The following PHKB variants were observed in gnomAD, a reference collection of about 807,000 sequenced individuals.
The protein encoded by PHKB is phosphorylase kinase regulatory subunit beta, also known as phosphorylase b kinase regulatory subunit beta.
In PHKB, 122 loss-of-function variants were observed where a neutral mutation model predicts 152.1. That is an observed-to-expected ratio of 0.80 (90% confidence interval 0.69 to 0.93). The LOEUF is 0.93. Among genes scored for constraint, PHKB ranks in the 40% least tolerant of loss-of-function variants. The probability of loss-of-function intolerance (pLI) is 0.00; values close to 1 mark genes in which losing one functional copy is unlikely to be tolerated. For synonymous variants in PHKB, 436 were observed against 464.9 expected (o/e 0.94, Z 0.80); for missense variants, 1,304 against 1,328.4 (o/e 0.98, Z 0.29).
At chr16:47,510,665 G>T (rs901435277) in intron 4 of PHKB, among the ~76,000 whole-genome samples, 1 of 152,136 alleles carries the variant, frequency 6.6e-6, no homozygotes, top group Middle Eastern at 3.4e-3. Context: ...AAGGAATTTT[G>T]GTGAGGGTTC....
rs991202041 is a variant in PHKB at position 47,630,229 on chromosome 16, C to T, written c.1459-10806C>T. 7.2e-5 allele frequency among the ~76,000 whole-genome samples: 11 copies of T among 152,050 alleles called. No homozygotes were observed. In the East Asian group the frequency reaches 1.7e-3, roughly 24 times the overall value. ...TCAAAAAGCAGATAAGGCCTGTAAT[C>T]GTAGCACTTTGGGAGGCCGAGGTGG... On this transcript the variant is annotated intron_variant, in intron 14 of 30. Transcript: ENST00000323584.
chr16:47,493,229 G>T (rs143998477), intron 1 of PHKB, among the ~76,000 whole-genome samples: 2 of 152,182 alleles, frequency 1.3e-5, no homozygotes, highest in South Asian at 2.1e-4. Flanking sequence ...GGAGCAGGAG[G>T]GGGGAAGGGA....
rs969657119 is a variant in PHKB at position 47,699,871 on chromosome 16, A to G, written c.*505A>G. ...CCAGCTGATATTTTGGTTCTCAAAAACTGCATTATTAATAATATTTTAGTA... is the reference window on the plus strand; with the variant it reads ...CCAGCTGATATTTTGGTTCTCAAAAGCTGCATTATTAATAATATTTTAGTA... On this transcript the variant is annotated 3_prime_UTR_variant, in exon 31 of 31. Transcript: ENST00000323584. 28 of 180,616 alleles carry G rather than the reference A, an allele frequency of 1.6e-4. No individual in the cohort carries two copies. The highest frequency in any genetic ancestry group is 2.5e-3 in the Middle Eastern group (1 of 394). 11.2% of individuals were successfully genotyped at this position (180,616 alleles called of 1,614,324 possible).
intron 26 of PHKB, among the ~76,000 whole-genome samples, chr16:47,670,680 C>T (rs769256313): frequency 6.6e-6 from 1 of 151,782 alleles, no homozygotes; most frequent in Non-Finnish European, 1.5e-5. Context: ...AGTAGAGACA[C>T]GGTTTCACCA....
chr16:47,591,638 G>T (rs571149443), intron 10 of PHKB, among the ~76,000 whole-genome samples: 1 of 151,998 alleles, frequency 6.6e-6, no homozygotes, highest in South Asian at 2.1e-4. Context: ...CTTCATTCTG[G>T]CTGTGAACTC....
intron 1 of PHKB, among the ~76,000 whole-genome samples, chr16:47,466,978 C>T (rs1007100297): frequency 5.3e-5 from 8 of 152,094 alleles, no homozygotes; most frequent in African/African-American, 1.2e-4. Flanking sequence ...CTATTTGATC[C>T]TGAGGAAGCT....
chr16:47,634,028 G>A (rs141506588), intron 14 of PHKB, among the ~76,000 whole-genome samples: 5 of 152,270 alleles, frequency 3.3e-5, no homozygotes, highest in African/African-American at 9.6e-5. Context: ...AGTGACCCAG[G>A]GTTGTGGTTG....
Position 47,669,436 on chromosome 16 carries a change from A to G in PHKB, c.2630+19A>G. On this transcript the variant is annotated intron_variant, in intron 26 of 30. Coordinates refer to ENST00000323584, the MANE Select transcript of PHKB (RefSeq NM_000293.3). ...GAATCGGGTGAGTGAAGTCCTTTGC[A>G]TTTGCATAAAGAGAATTGTTCAAGT... The G allele has an allele frequency of 6.2e-7, 1 of 1,607,782 alleles. No individual in the cohort carries two copies. Among genetic ancestry groups the G allele is most frequent in the Non-Finnish European group, 8.5e-7 (1 of 1,174,250 alleles).
At chr16:47,541,975 T>C (rs1334888756) in intron 6 of PHKB, among the ~76,000 whole-genome samples, 1 of 152,222 alleles carries the variant, frequency 6.6e-6, no homozygotes, top group African/African-American at 2.4e-5. Context: ...TAGTTTCTTT[T>C]GCTGTGCAGA....
At chr16:47,592,029 T>C (rs147778328) in intron 10 of PHKB, among the ~76,000 whole-genome samples, 32 of 152,290 alleles carry the variant, frequency 2.1e-4, no homozygotes, top group African/African-American at 6.3e-4. Context: ...TACTGACATC[T>C]GGAAGGTAGA....
intron 14 of PHKB, among the ~76,000 whole-genome samples, chr16:47,631,761 G>A (rs1972831773): frequency 6.6e-6 from 1 of 152,164 alleles, no homozygotes; most frequent in Non-Finnish European, 1.5e-5. Context: ...AGTTTGCTGA[G>A]AATGATGGTT....
intron 14 of PHKB, among the ~76,000 whole-genome samples, chr16:47,617,470 A>G (rs1486737680): frequency 1.3e-5 from 2 of 151,802 alleles, no homozygotes; most frequent in African/African-American, 4.8e-5. Flanking sequence ...GCCCCTGGTA[A>G]TCTCTATTCT....
chr16:47,567,921 G>A (rs1023042051), intron 7 of PHKB, among the ~76,000 whole-genome samples: 6 of 152,146 alleles, frequency 3.9e-5, no homozygotes, highest in Admixed American at 6.5e-5. Flanking sequence ...TTTTCAACGC[G>A]CTGTTGGATT....
intron 6 of PHKB, among the ~76,000 whole-genome samples, chr16:47,519,535 C>T (rs1970651709): frequency 6.6e-6 from 1 of 152,164 alleles, no homozygotes; most frequent in Non-Finnish European, 1.5e-5. Context: ...CAGTTTCTCC[C>T]CAGCTGTTAT....
intron 10 of PHKB, among the ~76,000 whole-genome samples, chr16:47,592,962 C>T (rs1360205988): frequency 6.6e-6 from 1 of 152,056 alleles, no homozygotes; most frequent in Non-Finnish European, 1.5e-5. Flanking sequence ...TTGTTAGTGG[C>T]TGGCCACAGT....
In PHKB at chr16:47,473,218, A is replaced by ATTTTTTTTTTTTT. The variant is rs1043960499; in HGVS notation, c.76+11814_76+11826dup. On this transcript the variant is annotated intron_variant, in intron 1 of 30. Transcript: ENST00000323584. ...AGGTGTGCACTACCATGCCTGGCTA[A>ATTTTTTTTTTTTT]TTTTTTTTTTTTTTTTTTTTTTTTT... Among the ~76,000 whole-genome samples, 158 of 48,766 alleles carry ATTTTTTTTTTTTT rather than the reference A, an allele frequency of 3.2e-3. 22 individuals carry two copies. The highest frequency in any genetic ancestry group is 0.013 in the East Asian group (22 of 1,734). The allele number at this position is 48,766 out of a possible 152,430, so 32.0% of individuals were successfully genotyped here.
At chr16:47,629,184 A>C (rs1356911135) in intron 14 of PHKB, among the ~76,000 whole-genome samples, 1 of 152,092 alleles carries the variant, frequency 6.6e-6, no homozygotes, top group Non-Finnish European at 1.5e-5. Context: ...GGATCTAATT[A>C]AACTAAAGAG....
intron 26 of PHKB, among the ~76,000 whole-genome samples, chr16:47,672,498 A>T (rs1166913551): frequency 6.6e-6 from 1 of 152,192 alleles, no homozygotes; most frequent in Non-Finnish European, 1.5e-5. Context: ...AGTATAGGTT[A>T]TAAGTCTTCC....
At chr16:47,681,569 T>C (rs1041444486) in intron 26 of PHKB, among the ~76,000 whole-genome samples, 8 of 151,996 alleles carry the variant, frequency 5.3e-5, no homozygotes, top group African/African-American at 1.9e-4. Flanking sequence ...TAAAGTCTGT[T>C]TTATCAGAGA....
Sources: allele counts gnomAD v4.1 joint callset (sites outside exome capture counted in the v4.1 genomes callset), GRCh38; gene constraint gnomAD v4.1.1; transcripts MANE v1.5; gene names NCBI Gene and HGNC (gene_info 2026-07-23, HGNC 2026-07-21).